The following ZNF385A variants were observed in gnomAD, a reference collection of about 807,000 sequenced individuals.
The protein encoded by ZNF385A is zinc finger protein 385A, also known as hematopoietic zinc finger protein.
ZNF385A carries 14 observed loss-of-function variants against 32.1 expected under a neutral mutation model. The observed-to-expected ratio is 0.44, with a 90% CI of 0.29 to 0.68. ZNF385A has a LOEUF of 0.68. Among genes scored for constraint, ZNF385A ranks in the 30% least tolerant of loss-of-function variants. ZNF385A has a pLI of 0.14. For synonymous variants in ZNF385A, 197 were observed against 202.7 expected (o/e 0.97, Z 0.24); for missense variants, 406 against 478.4 (o/e 0.85, Z 1.41).
chr12:54,372,931 C>T (rs1328820952), intron 3 of ZNF385A: 1 of 205,148 alleles, frequency 4.9e-6, no homozygotes, highest in Non-Finnish European at 1.0e-5. Context: ...CCCAGCTACT[C>T]AGGAGGCTGA....
Position 54,370,411 on chromosome 12 carries a change from C to T in ZNF385A, c.946G>A (p.Ala316Thr). 7.8e-6 allele frequency: 12 copies of T among 1,542,834 alleles called. No individual in the cohort carries two copies. The highest frequency in any genetic ancestry group is 1.1e-5 in the Non-Finnish European group (12 of 1,142,550). ...GAGCCTGCTGCCGCTGCCATCACTG[C>T]AGCCACCGCCAGGGGGCTGGGGAGC... is the stretch of plus-strand genomic sequence containing the variant. ...GLLPSPLAVA[A>T]VMAAAAGSPL... Residue 316 changes from alanine to threonine, a missense_variant, in exon 7 of 7, where the codon GCA becomes ACA. By Grantham distance (58) the Ala-to-Thr change is moderately conservative. Coordinates refer to ENST00000394313, the MANE Select transcript of ZNF385A (RefSeq NM_015481.3). This position sits in a 1 kb window ranked among gnomAD's most constrained non-coding sequence, Gnocchi z 5.5.
chr12:54,374,803 C>T (rs973773751), intron 2 of ZNF385A, among the ~76,000 whole-genome samples: 1 of 152,110 alleles, frequency 6.6e-6, no homozygotes, highest in African/African-American at 2.4e-5. Flanking sequence ...CCCCTCTAGT[C>T]TTCCACCATC....
chr12:54,375,791 C>A, intron 2 of ZNF385A, 53 bp downstream of exon 2: 1 of 1,516,012 alleles, frequency 6.6e-7, no homozygotes, highest in Non-Finnish European at 9.2e-7. Context: ...CCCTCAAGTT[C>A]CCCTGCTGCC....
At chr12:54,372,124 G>A (rs557610181) in intron 3 of ZNF385A, among the ~76,000 whole-genome samples, 1 of 152,332 alleles carries the variant, frequency 6.6e-6, no homozygotes, top group East Asian at 1.9e-4. Flanking sequence ...AAGAGCCCTA[G>A]GAAGGGGCAG....
rs1175426773 is a variant in ZNF385A, at chr12:54,370,924, C to T, written c.774+3G>A. 1.2e-6 allele frequency: 2 copies of T among 1,614,084 alleles called. No homozygotes were observed. The highest frequency in any genetic ancestry group is 2.2e-5 in the East Asian group (1 of 44,894). On this transcript the variant is annotated splice_donor_region_variant and intron_variant, in intron 5 of 6. Coordinates refer to ENST00000394313, the MANE Select transcript of ZNF385A (RefSeq NM_015481.3). This position sits in a 1 kb window ranked among gnomAD's most constrained non-coding sequence, Gnocchi z 5.5. Reference sequence around the variant, plus strand: ...GAATTCCTGGGAAGGGCCTTAGACCCACCTGTTTCAGTTGGACCTCCGAGT... The same window carrying T: ...GAATTCCTGGGAAGGGCCTTAGACCTACCTGTTTCAGTTGGACCTCCGAGT...
At chr12:54,379,115 G>A (rs1241801651) in intron 1 of ZNF385A, 15 of 981,538 alleles carry the variant, frequency 1.5e-5, no homozygotes, top group South Asian at 4.7e-5. Context: ...TGGCGGACCC[G>A]GGCTGGGGGG....
chr12:54,380,972 C>T (rs181235396), intron 1 of ZNF385A, among the ~76,000 whole-genome samples: 19 of 151,962 alleles, frequency 1.3e-4, no homozygotes, highest in African/African-American at 4.1e-4. Flanking sequence ...CTGAGTCGGG[C>T]GGATCACAAG....
rs1355675114 is a variant in ZNF385A, at chr12:54,370,633, T to A, written c.863A>T (p.Glu288Val). 1 of 1,600,220 alleles carries A rather than the reference T, an allele frequency of 6.2e-7. No individual in the cohort carries two copies. Among genetic ancestry groups the A allele is most frequent in the Non-Finnish European group, 8.5e-7 (1 of 1,174,078 alleles). ...SRHKKSRGAG[E>V]LAGTLTFSKE... ...CCAGCATCCAGGCCTCACCGCCAGCTCCCCGGCGCCCCTAGACTTCTTGTG... is the reference window on the plus strand; with the variant it reads ...CCAGCATCCAGGCCTCACCGCCAGCACCCCGGCGCCCCTAGACTTCTTGTG... Residue 288 changes from glutamate (E) to valine (V), a missense_variant, in exon 6 of 7, where the codon GAG becomes GTG. Physicochemically the swap from Glu to Val is moderately radical, Grantham distance 121 (BLOSUM62 -2). Transcript: ENST00000394313. The surrounding 1 kb of genome is among the most constrained non-coding windows in gnomAD (Gnocchi z 5.5).
At chr12:54,375,180 C>T (rs1248039455) in intron 2 of ZNF385A, among the ~76,000 whole-genome samples, 15 of 152,098 alleles carry the variant, frequency 9.9e-5, no homozygotes, top group African/African-American at 3.6e-4. Context: ...CTCTCAGGGC[C>T]TGCACCCCAC....
chr12:54,385,961 G>T (rs1482127608), upstream of ZNF385A, among the ~76,000 whole-genome samples: 1 of 151,996 alleles, frequency 6.6e-6, no homozygotes, highest in Non-Finnish European at 1.5e-5. Context: ...GTCTGGAGGG[G>T]TCTGTCTCTT....
intron 1 of ZNF385A, among the ~76,000 whole-genome samples, chr12:54,382,354 G>A (rs184059537): frequency 6.6e-6 from 1 of 152,110 alleles, no homozygotes; most frequent in East Asian, 1.9e-4. Context: ...GATTACAAGC[G>A]TGAGCCACCA....
chr12:54,381,211 A>G, intron 1 of ZNF385A: 1 of 141,358 alleles, frequency 7.1e-6, no homozygotes, highest in East Asian at 2.4e-4. Flanking sequence ...AAAAAAAAAG[A>G]AAAAGAAAAA....
intron 1 of ZNF385A, among the ~76,000 whole-genome samples, chr12:54,390,671 T>TCTCCCCAGCCCCTCTG (rs1416874444): frequency 1.4e-5 from 2 of 138,636 alleles, no homozygotes; most frequent in African/African-American, 2.7e-5. Context: ...AAGCCCCTCT[T>TCTCCCCAGCCCCTCTG]CTCCCCAGCC....
intron 1 of ZNF385A, among the ~76,000 whole-genome samples, chr12:54,377,052 C>T (rs552159231): frequency 1.3e-5 from 2 of 152,222 alleles, no homozygotes; most frequent in East Asian, 3.9e-4. Flanking sequence ...CAGCCGAGCC[C>T]ATCTCTGTGA....
At chr12:54,375,698 T>A in intron 2 of ZNF385A, 146 bp downstream of exon 2, 1 of 689,172 alleles carries the variant, frequency 1.5e-6, no homozygotes, top group Middle Eastern at 2.7e-4. Flanking sequence ...TCCTGCGGTA[T>A]CCCCATTCCC....
At chr12:54,371,158 C>T in intron 4 of ZNF385A, 62 bp from the exon 5 acceptor site, 1 of 1,510,740 alleles carries the variant, frequency 6.6e-7, no homozygotes, top group South Asian at 1.3e-5. Flanking sequence ...CCTACTGGGC[C>T]TCAGAATGCA....
At chr12:54,391,258 G>T in exon 1 of ZNF385A, 1 of 1,386,970 alleles carries the variant, frequency 7.2e-7, no homozygotes, top group Non-Finnish European at 9.5e-7. Flanking sequence ...GGGGACCCAG[G>T]CGCCCGGGGT....
intron 3 of ZNF385A, among the ~76,000 whole-genome samples, chr12:54,372,651 C>CCAT (rs1189438088): frequency 6.6e-6 from 1 of 152,156 alleles, no homozygotes; most frequent in East Asian, 1.9e-4. Flanking sequence ...TTAGCTATCA[C>CCAT]CATCATCATC....
chr12:54,369,556 A>G lies in ZNF385A; in HGVS notation c.*700T>C, dbSNP rs918195472. On this transcript the variant is annotated 3_prime_UTR_variant, in exon 7 of 7. Coordinates refer to ENST00000394313, the MANE Select transcript of ZNF385A (RefSeq NM_015481.3). ...TGCCCCCCTCGGTACCCCTTGGGCGATGGGTGCTGGTGAAAAGAATGGAAC... is the reference window on the plus strand; with the variant it reads ...TGCCCCCCTCGGTACCCCTTGGGCGGTGGGTGCTGGTGAAAAGAATGGAAC... 6 of 152,756 alleles carry G rather than the reference A, an allele frequency of 3.9e-5. No individual in the cohort carries two copies. Among genetic ancestry groups the G allele is most frequent in the African/African-American group, 1.5e-4 (6 of 41,374 alleles). 9.5% of individuals were successfully genotyped at this position (152,756 alleles called of 1,614,324 possible).
Sources: gnomAD v4.1 joint callset for allele counts (sites outside exome capture counted in the v4.1 genomes callset) on GRCh38, gnomAD v4.1.1 for gene constraint, Gnocchi (gnomAD v3.1) non-coding constraint, MANE v1.5 for transcripts, NCBI Gene and HGNC (gene_info 2026-07-23, HGNC 2026-07-21) for gene names.